RPS6KC1: variants seen among roughly 807,000 people sequenced by gnomAD.
The protein encoded by RPS6KC1 is ribosomal protein S6 kinase C1, also known as inactive ribosomal protein S6 kinase delta-1.
Under a neutral mutation model 103.8 loss-of-function variants are expected in RPS6KC1, and 54 were observed. The ratio of observed to expected loss-of-function variants is 0.52; its 90% CI spans 0.42 to 0.65. The LOEUF is 0.65. RPS6KC1 is among the 30% of genes least tolerant of loss of function. The pLI is 0.00. For synonymous variants in RPS6KC1, 439 were observed against 438.7 expected (o/e 1.00, Z -0.01); for missense variants, 1,151 against 1,253.8 (o/e 0.92, Z 1.24).
chr1:213,649,879 C>T, the RPS6KC1 span, among the ~76,000 whole-genome samples: 2 of 152,158 alleles, frequency 1.3e-5, no homozygotes, highest in African/African-American at 4.8e-5. Context: ...GAGGATCTGC[C>T]TTGTGATGGT....
the RPS6KC1 span, among the ~76,000 whole-genome samples, chr1:213,684,788 A>G: frequency 3.0e-4 from 45 of 152,320 alleles, no homozygotes; most frequent in African/African-American, 1.0e-3. Context: ...TTCTGTTGCA[A>G]TTTCTAAACC....
the RPS6KC1 span, among the ~76,000 whole-genome samples, chr1:213,402,170 A>T: frequency 6.6e-6 from 1 of 152,132 alleles, no homozygotes; most frequent in South Asian, 2.1e-4. Flanking sequence ...GGCTCTTCAG[A>T]TCTTATGACA....
At chr1:213,806,424 G>A in the RPS6KC1 span, among the ~76,000 whole-genome samples, 18 of 152,316 alleles carry the variant, frequency 1.2e-4, no homozygotes, top group East Asian at 9.7e-4. Context: ...CTGTCTCTTT[G>A]TAGGTCACCC....
chr1:213,714,764 G>A, the RPS6KC1 span, among the ~76,000 whole-genome samples: 2 of 152,240 alleles, frequency 1.3e-5, no homozygotes, highest in South Asian at 2.1e-4. Context: ...TCTTTGGAGT[G>A]TATTTCCTGT....
At chr1:213,720,342 C>T in the RPS6KC1 span, among the ~76,000 whole-genome samples, 4 of 152,210 alleles carry the variant, frequency 2.6e-5, no homozygotes, top group Non-Finnish European at 4.4e-5. Flanking sequence ...AGGCTCTTCA[C>T]AAATTTTTCT....
the RPS6KC1 span, among the ~76,000 whole-genome samples, chr1:213,397,820 A>G: frequency 6.6e-6 from 1 of 152,128 alleles, no homozygotes; most frequent in Non-Finnish European, 1.5e-5. Context: ...GGGGCAGGAG[A>G]GGACACCGTT....
the RPS6KC1 span, among the ~76,000 whole-genome samples, chr1:213,500,118 G>A: frequency 1.4e-3 from 216 of 152,142 alleles, no homozygotes; most frequent in African/African-American, 4.7e-3. Context: ...TTTTTTACCT[G>A]TTTGACTCTT....
the RPS6KC1 span, among the ~76,000 whole-genome samples, chr1:213,606,171 C>A: frequency 1.3e-5 from 2 of 152,102 alleles, no homozygotes; most frequent in Non-Finnish European, 2.9e-5. Flanking sequence ...CACAAAGACA[C>A]AAATTTCCCA....
rs1188472908 is a variant in RPS6KC1 at position 213,272,752 on chromosome 1, G to A, written c.*118G>A. The A allele has an allele frequency of 4.3e-6, 3 of 692,976 alleles. No homozygotes were observed. The highest frequency in any genetic ancestry group is 1.8e-5 in the African/African-American group (1 of 55,916). 42.9% of individuals were successfully genotyped at this position (692,976 alleles called of 1,614,324 possible). ...GCACCAAAGCATTTGGATAAAGACC[G>A]TTATAGGAAATGGGGGGGAAATGGC... On this transcript the variant is annotated 3_prime_UTR_variant, in exon 15 of 15. Coordinates refer to ENST00000366960, the MANE Select transcript of RPS6KC1 (RefSeq NM_012424.6).
At chr1:213,492,977 A>C in the RPS6KC1 span, among the ~76,000 whole-genome samples, 1 of 152,220 alleles carries the variant, frequency 6.6e-6, no homozygotes, top group African/African-American at 2.4e-5. Context: ...TACTGTGAAT[A>C]AAAGAAGACT....
the RPS6KC1 span, among the ~76,000 whole-genome samples, chr1:213,608,484 G>A: frequency 2.0e-5 from 3 of 152,296 alleles, no homozygotes; most frequent in East Asian, 5.8e-4. Context: ...AGGATTCCAC[G>A]GTGGCAAAAG....
chr1:213,539,975 T>C, the RPS6KC1 span, among the ~76,000 whole-genome samples: 2 of 152,248 alleles, frequency 1.3e-5, no homozygotes, highest in African/African-American at 4.8e-5. Flanking sequence ...AAAAATACTT[T>C]AGTGCTAAAA....
chr1:213,341,419 T>A, the RPS6KC1 span, among the ~76,000 whole-genome samples: 1 of 152,200 alleles, frequency 6.6e-6, no homozygotes, highest in Non-Finnish European at 1.5e-5. Context: ...AATGAAATGT[T>A]TGGACTCCAG....
chr1:213,653,195 A>G, the RPS6KC1 span, among the ~76,000 whole-genome samples: 1 of 152,214 alleles, frequency 6.6e-6, no homozygotes, highest in Non-Finnish European at 1.5e-5. Flanking sequence ...GCAGTGGCTT[A>G]TGCCTGCAAT....
the RPS6KC1 span, among the ~76,000 whole-genome samples, chr1:213,439,030 A>G: frequency 0.7 from 105,529 of 151,688 alleles, 36,923 homozygotes; most frequent in East Asian, 0.86. Context: ...TCCTGACCTC[A>G]TGATCCACCC....
the RPS6KC1 span, among the ~76,000 whole-genome samples, chr1:213,766,071 C>T: frequency 6.6e-6 from 1 of 152,038 alleles, no homozygotes; most frequent in Non-Finnish European, 1.5e-5. Context: ...AAATTCAATC[C>T]ATAATGTTAG....
rs74140560 is a variant in RPS6KC1, at chr1:213,072,078, G to A, written c.141+1037G>A. Among the ~76,000 whole-genome samples, 480 of 150,850 alleles carry A rather than the reference G, an allele frequency of 3.2e-3. 5 individuals carry two copies. Among genetic ancestry groups the A allele is most frequent in the African/African-American group, 0.011 (439 of 41,164 alleles). Reference sequence around the variant, plus strand: ...AAGGACATATATCAGGATTTTTTCCGCCTCCCTAATGTGTTTAAAACAGAT... The same window carrying A: ...AAGGACATATATCAGGATTTTTTCCACCTCCCTAATGTGTTTAAAACAGAT... On this transcript the variant is annotated intron_variant, in intron 2 of 14. Coordinates refer to ENST00000366960, the MANE Select transcript of RPS6KC1 (RefSeq NM_012424.6).
At chr1:213,436,988 A>G in the RPS6KC1 span, among the ~76,000 whole-genome samples, 1 of 152,058 alleles carries the variant, frequency 6.6e-6, no homozygotes, top group Non-Finnish European at 1.5e-5. Flanking sequence ...TAGACTGTTT[A>G]TATCTTTTTA....
intron 4 of RPS6KC1, among the ~76,000 whole-genome samples, chr1:213,108,486 C>CT (rs2082698806): frequency 6.6e-6 from 1 of 151,952 alleles, no homozygotes; most frequent in South Asian, 2.1e-4. Context: ...ATTACTGTAG[C>CT]TTTTTAAGTA....
Sources: allele counts gnomAD v4.1 joint callset (sites outside exome capture counted in the v4.1 genomes callset), GRCh38; gene constraint gnomAD v4.1.1; transcripts MANE v1.5; gene names NCBI Gene and HGNC (gene_info 2026-07-23, HGNC 2026-07-21).